CHD1L: variants seen among roughly 807,000 people sequenced by gnomAD.
CHD1L encodes chromodomain helicase DNA binding protein 1 like.
Under a neutral mutation model 115.9 loss-of-function variants are expected in CHD1L, and 118 were observed. The observed-to-expected ratio is 1.02, with a 90% CI of 0.88 to 1.19. The LOEUF (loss-of-function observed/expected upper bound fraction) is 1.19, where lower values mean the gene tolerates loss of function less well. Ranked by LOEUF, CHD1L falls within the 50% of genes most tolerant of loss-of-function variation. The pLI is 0.00. For missense variants in CHD1L, 1,179 were observed against 1,065.3 expected, an observed-to-expected ratio of 1.11 and a Z score of -1.49; for synonymous variants, 411 against 387.1, an observed-to-expected ratio of 1.06 and a Z score of -0.72.
intron 21 of CHD1L, 145 bp from the exon 22 acceptor site, chr1:147,294,262 TAC>T: frequency 3.3e-6 from 1 of 302,694 alleles, no homozygotes; most frequent in Non-Finnish European, 6.3e-6. Flanking sequence ...TAATTTTTCT[TAC>T]TACAATTCTT....
At chr1:147,260,045 C>T in intron 6 of CHD1L, 127 bp downstream of exon 6, 1 of 672,224 alleles carries the variant, frequency 1.5e-6, no homozygotes, top group Non-Finnish European at 2.5e-6. Flanking sequence ...ATGCATATGT[C>T]CCCACACATG....
At chr1:147,194,478 A>C in the CHD1L span, among the ~76,000 whole-genome samples, 5,611 of 152,100 alleles carry the variant, frequency 0.037, 154 homozygotes, top group South Asian at 0.095. Context: ...CAGTCTGTGT[A>C]TTTTAATTGG....
chr1:147,238,292 C>T (rs889457260), upstream of CHD1L, among the ~76,000 whole-genome samples: 1 of 152,184 alleles, frequency 6.6e-6, no homozygotes, highest in Non-Finnish European at 1.5e-5. Flanking sequence ...TTACTTTGGT[C>T]ACAGCTTTTA....
At chr1:147,264,316 T>G in intron 6 of CHD1L, 106 bp from the exon 7 acceptor site, 1 of 1,039,270 alleles carries the variant, frequency 9.6e-7, no homozygotes, top group Non-Finnish European at 1.4e-6. Flanking sequence ...CCTCAGTCAT[T>G]TCATTAAATC....
At chr1:147,183,350 T>G in the CHD1L span, among the ~76,000 whole-genome samples, 1 of 152,220 alleles carries the variant, frequency 6.6e-6, no homozygotes, top group African/African-American at 2.4e-5. Context: ...ATTTAATCCT[T>G]TAAAAGTCAT....
chr1:147,182,510 A>G, the CHD1L span, among the ~76,000 whole-genome samples: 2 of 151,566 alleles, frequency 1.3e-5, no homozygotes, highest in African/African-American at 4.9e-5. Context: ...AGTCATTGTT[A>G]TTTGAGGTTT....
chr1:147,186,678 T>A, the CHD1L span: 1 of 1,365,186 alleles, frequency 7.3e-7, no homozygotes, highest in East Asian at 2.8e-5. Context: ...GTCTAGGGAT[T>A]ACCACAAGGA....
chr1:147,222,904 C>A, the CHD1L span, among the ~76,000 whole-genome samples: 2 of 152,206 alleles, frequency 1.3e-5, no homozygotes, highest in African/African-American at 4.8e-5. Context: ...ACTGCCAAAA[C>A]TGGCTAAGAT....
At chr1:147,241,560 A>C (rs1013628212), upstream of CHD1L, among the ~76,000 whole-genome samples, 55 of 152,162 alleles carry the variant, frequency 3.6e-4, no homozygotes, top group Non-Finnish European at 2.9e-5. Flanking sequence ...GCTCACACAA[A>C]GCCTGTTTGG....
At chr1:147,178,230 C>A in the CHD1L span, 3 of 1,613,648 alleles carry the variant, frequency 1.9e-6, no homozygotes, top group Admixed American at 1.7e-5. Flanking sequence ...AGAGTCGCAT[C>A]TCCGACACGG....
chr1:147,286,261 T>C, intron 17 of CHD1L, 37 bp from the exon 18 acceptor site: 1 of 1,593,954 alleles, frequency 6.3e-7, no homozygotes, highest in Non-Finnish European at 8.6e-7. Flanking sequence ...ATTGTGATTG[T>C]CTGGGTTAAT....
chr1:147,288,336 A>AAAAAAAG (rs1684150134), intron 19 of CHD1L, among the ~76,000 whole-genome samples: 3 of 1,298 alleles, frequency 2.3e-3, no homozygotes, highest in South Asian at 0.056. Context: ...AAAAAAAAAA[A>AAAAAAAG]AAAAAAAAAA....
upstream of CHD1L, among the ~76,000 whole-genome samples, chr1:147,242,141 C>G (rs1664969094): frequency 6.6e-6 from 1 of 152,190 alleles, no homozygotes. Flanking sequence ...GAGATACCCA[C>G]TGCCACAATG....
chr1:147,275,593 A>G, intron 13 of CHD1L, 125 bp downstream of exon 13: 1 of 696,410 alleles, frequency 1.4e-6, no homozygotes, highest in Non-Finnish European at 2.5e-6. Flanking sequence ...GTTTTAGCTC[A>G]TCTGTGCTAT....
chr1:147,180,088 A>T, the CHD1L span, among the ~76,000 whole-genome samples: 1 of 151,964 alleles, frequency 6.6e-6, no homozygotes, highest in Admixed American at 6.6e-5. Flanking sequence ...ATATATAAGA[A>T]CTCTACTATT....
At chr1:147,277,835 G>A in intron 14 of CHD1L, among the ~76,000 whole-genome samples, 1 of 152,142 alleles carries the variant, frequency 6.6e-6, no homozygotes, top group Non-Finnish European at 1.5e-5. Context: ...AAATGACAGA[G>A]CCTCACAAGG....
At chr1:147,269,651 G>A (rs1223868996) in intron 10 of CHD1L, among the ~76,000 whole-genome samples, 1 of 133,280 alleles carries the variant, frequency 7.5e-6, no homozygotes, top group Non-Finnish European at 1.6e-5. Context: ...CCTGGTGACA[G>A]AGCGAGGCTC....
At chr1:147,286,567 T>C in intron 18 of CHD1L, 67 bp downstream of exon 18, 1 of 1,440,300 alleles carries the variant, frequency 6.9e-7, no homozygotes, top group Non-Finnish European at 9.7e-7. Flanking sequence ...CTGGGGAGGA[T>C]GGGGCACTGG....
the CHD1L span, chr1:147,175,862 A>C: frequency 3.3e-5 from 5 of 150,572 alleles, no homozygotes; most frequent in African/African-American, 1.2e-4. Context: ...CATTATGGGA[A>C]GTAAAAGAAG....
Sources: gnomAD v4.1 joint callset for allele counts (sites outside exome capture counted in the v4.1 genomes callset) on GRCh38, gnomAD v4.1.1 for gene constraint, MANE v1.5 for transcripts, NCBI Gene and HGNC (gene_info 2026-07-23, HGNC 2026-07-21) for gene names.